The following JAK1 variants were observed in gnomAD, a reference collection of about 807,000 sequenced individuals.
The protein encoded by JAK1 is tyrosine-protein kinase JAK1.
JAK1 carries 16 observed loss-of-function variants against 136.6 expected under a neutral mutation model. The ratio of observed to expected loss-of-function variants is 0.12; its 90% CI spans 0.08 to 0.18. The LOEUF (loss-of-function observed/expected upper bound fraction) is 0.18, where lower values mean the gene tolerates loss of function less well. Ranked by LOEUF, JAK1 falls within the 10% of genes least tolerant of loss-of-function variation. JAK1 has a pLI of 1.00. For missense variants in JAK1, 859 were observed against 1,450.1 expected (o/e 0.59, Z 6.62); for synonymous variants, 492 against 519.5 (o/e 0.95, Z 0.72).
At chr1:64,974,181 GA>G (rs1309886742) in intron 2 of JAK1, 2 of 152,178 alleles carry the variant, frequency 1.3e-5, no homozygotes, top group East Asian at 1.9e-4. Flanking sequence ...CATTGCTTGA[GA>G]AAAAAACTTG....
At chr1:64,992,423 T>G (rs971909262) in intron 2 of JAK1, 2 of 151,618 alleles carry the variant, frequency 1.3e-5, no homozygotes, top group African/African-American at 4.8e-5. Flanking sequence ...GCAAGGGACC[T>G]GAAATAGCCA....
chr1:64,936,749 C>T (rs1207328880), intron 1 of JAK1, among the ~76,000 whole-genome samples: 1 of 152,106 alleles, frequency 6.6e-6, no homozygotes, highest in Non-Finnish European at 1.5e-5. Flanking sequence ...AGTTAATCTA[C>T]TTAGAACACC....
chr1:65,048,001 G>A (rs1647204172), intron 1 of JAK1, among the ~76,000 whole-genome samples: 2 of 152,050 alleles, frequency 1.3e-5, no homozygotes, highest in African/African-American at 4.8e-5. Context: ...CTGAGCCCAC[G>A]GACCTACAGT....
At position 64,979,283 on chromosome 1, in the gene JAK1, G is replaced by A. The variant is rs567482284; in HGVS notation, c.-78+65197C>T. ...TGTACAATGGTGTGCAGCTATAGCT[G>A]CAACTACTTGGAAGCTGAGGTGGGA... On this transcript the variant is annotated intron_variant, in intron 2 of 25. Transcript: ENST00000671954. Among the ~76,000 whole-genome samples the A allele has an allele frequency of 1.5e-4, 23 of 152,270 alleles. No individual in the cohort carries two copies. In the South Asian group the frequency reaches 4.8e-3, roughly 32 times the overall value.
chr1:64,973,969 A>C (rs903091600), intron 2 of JAK1: 7 of 152,248 alleles, frequency 4.6e-5, no homozygotes, highest in Non-Finnish European at 7.3e-5. Flanking sequence ...TATTTGCTAA[A>C]GCTATAATTC....
At position 64,984,467 on chromosome 1, in the gene JAK1, C is replaced by G; in HGVS notation, c.-78+60013G>C. 4.6e-6 allele frequency: 1 copy of G among 218,008 alleles called. No individual in the cohort carries two copies. The highest frequency in any genetic ancestry group is 4.9e-5 in the Admixed American group (1 of 20,584). 13.5% of individuals were successfully genotyped at this position (218,008 alleles called of 1,614,324 possible). On this transcript the variant is annotated intron_variant, in intron 2 of 25. Coordinates refer to the JAK1 transcript ENST00000671954. This position sits in a 1 kb window ranked among gnomAD's most constrained non-coding sequence, Gnocchi z 4.1. Reference sequence around the variant, plus strand: ...ATTTTAAAAGCCATTGAAAATTCAACAAGCTCCAGTCTTGTTGAGGGAGAA... The same window carrying G: ...ATTTTAAAAGCCATTGAAAATTCAAGAAGCTCCAGTCTTGTTGAGGGAGAA...
intron 1 of JAK1, among the ~76,000 whole-genome samples, chr1:64,893,141 T>TA (rs896210466): frequency 5.9e-4 from 90 of 151,360 alleles, no homozygotes; most frequent in African/African-American, 2.0e-3. Flanking sequence ...AGCTGTTCTT[T>TA]AAAAAAAATA....
chr1:64,937,889 T>C (rs571584478), intron 1 of JAK1, among the ~76,000 whole-genome samples: 3 of 151,088 alleles, frequency 2.0e-5, no homozygotes, highest in South Asian at 4.2e-4. Context: ...AAAATCTTCT[T>C]TTTTTTTTGA....
At chr1:65,032,464 T>C (rs1647031952) in intron 2 of JAK1, among the ~76,000 whole-genome samples, 1 of 152,148 alleles carries the variant, frequency 6.6e-6, no homozygotes, top group Non-Finnish European at 1.5e-5. Context: ...ATGGAACATT[T>C]TCTAATGCCA....
chr1:64,989,324 CAAATAAATAAATAAATAAATAAAT>C (rs60402520), intron 2 of JAK1: 1 of 139,130 alleles, frequency 7.2e-6, no homozygotes. Context: ...GACTCCATCT[CAAATAAATAAATAAATAAATAAAT>C]AAATAAATAA....
At chr1:64,990,444 A>C (rs571420023) in intron 2 of JAK1, 41 of 152,288 alleles carry the variant, frequency 2.7e-4, no homozygotes, top group Non-Finnish European at 4.1e-4. Context: ...GGTCTCAACA[A>C]TGAAAACAAA....
chr1:64,931,524 GT>G (rs1485061103), intron 1 of JAK1, among the ~76,000 whole-genome samples: 1 of 151,860 alleles, frequency 6.6e-6, no homozygotes, highest in Admixed American at 6.6e-5. Context: ...CATGGTGGGT[GT>G]CCTACCATGG....
At chr1:65,037,847 C>A (rs1647089277) in intron 2 of JAK1, among the ~76,000 whole-genome samples, 1 of 152,156 alleles carries the variant, frequency 6.6e-6, no homozygotes, top group African/African-American at 2.4e-5. Context: ...GCCTGGGCAA[C>A]AGAGTGAGAC....
At chr1:64,964,837 T>A (rs1303778482) in intron 1 of JAK1, among the ~76,000 whole-genome samples, 1 of 152,182 alleles carries the variant, frequency 6.6e-6, no homozygotes, top group Non-Finnish European at 1.5e-5. Flanking sequence ...AGGGGAGACA[T>A]TTTCTCCACA....
chr1:64,853,620 T>A (rs1655738064), intron 11 of JAK1, among the ~76,000 whole-genome samples: 1 of 152,202 alleles, frequency 6.6e-6, no homozygotes, highest in African/African-American at 2.4e-5. Context: ...ACTAGCTACA[T>A]GGCCTTGAGC....
Position 64,855,605 on chromosome 1 carries a change from T to C in JAK1, c.1552A>G (p.Ser518Gly). The C allele has an allele frequency of 6.2e-7, 1 of 1,614,148 alleles. No individual in the cohort carries two copies. Among genetic ancestry groups the C allele is most frequent in the Non-Finnish European group, 8.5e-7 (1 of 1,180,026 alleles). Residue 518 changes from serine (S) to glycine (G), a missense_variant, in exon 11 of 25, where the codon AGC (serine) becomes GGC (glycine). Physicochemically the swap from Ser to Gly is moderately conservative, Grantham distance 56. Coordinates refer to ENST00000342505, the MANE Select transcript of JAK1 (RefSeq NM_002227.4). Reference sequence around the variant, plus strand: ...AGGTGGCTCATGAGGTCTCCCAAGCTGGGGAAGCTGCGGTCCGAACCGTGC... The same window carrying C: ...AGGTGGCTCATGAGGTCTCCCAAGCCGGGGAAGCTGCGGTCCGAACCGTGC... Reference protein sequence around the residue: ...SLHGSDRSFPSLGDLMSHLKK... With the variant: ...SLHGSDRSFPGLGDLMSHLKK...
upstream of JAK1, among the ~76,000 whole-genome samples, chr1:64,968,862 G>A (rs1268014689): frequency 2.0e-5 from 3 of 151,376 alleles, no homozygotes; most frequent in Non-Finnish European, 4.4e-5. Context: ...AAGCCGGGAG[G>A]CAGAGTTTGC....
At chr1:64,911,810 T>C (rs1645290558) in intron 1 of JAK1, among the ~76,000 whole-genome samples, 1 of 152,270 alleles carries the variant, frequency 6.6e-6, no homozygotes, top group South Asian at 2.1e-4. Flanking sequence ...TTATTTTACA[T>C]TTCTAACAGG....
intron 1 of JAK1, among the ~76,000 whole-genome samples, chr1:64,894,546 G>A (rs879456186): frequency 4.6e-5 from 7 of 152,086 alleles, no homozygotes; most frequent in African/African-American, 7.2e-5. Context: ...ATCACTTGAG[G>A]TCAGGAGTTC....
Sources: gnomAD v4.1 joint callset for allele counts (sites outside exome capture counted in the v4.1 genomes callset) on GRCh38, gnomAD v4.1.1 for gene constraint, Gnocchi (gnomAD v3.1) non-coding constraint, MANE v1.5 for transcripts, NCBI Gene and HGNC (gene_info 2026-07-23, HGNC 2026-07-21) for gene names.